Variants in NRG1 observed in about 807,000 individuals in gnomAD.
NRG1 encodes neuregulin 1, also known as pro-neuregulin-1, membrane-bound isoform.
Under a neutral mutation model 63.8 loss-of-function variants are expected in NRG1, and 18 were observed. The ratio of observed to expected loss-of-function variants is 0.28; its 90% CI spans 0.19 to 0.42. The LOEUF (loss-of-function observed/expected upper bound fraction) is 0.42, where lower values mean the gene tolerates loss of function less well. Ranked by LOEUF, NRG1 falls within the 10% of genes least tolerant of loss-of-function variation. The probability of loss-of-function intolerance (pLI) is 1.00; values close to 1 mark genes in which losing one functional copy is unlikely to be tolerated. For missense variants in NRG1, 762 were observed against 814.7 expected, an observed-to-expected ratio of 0.94 and a Z score of 0.79; for synonymous variants, 302 against 301.3, an observed-to-expected ratio of 1.00 and a Z score of -0.02.
intron 5 of NRG1, among the ~76,000 whole-genome samples, chr8:32,699,481 C>T (rs902271720): frequency 6.6e-6 from 1 of 152,134 alleles, no homozygotes; most frequent in African/African-American, 2.4e-5. Context: ...CAATAGAGAA[C>T]GTTTAATGAA....
chr8:32,727,515 T>C (rs954710068), intron 5 of NRG1, among the ~76,000 whole-genome samples: 6 of 152,180 alleles, frequency 3.9e-5, no homozygotes, highest in Non-Finnish European at 5.9e-5. Context: ...TCAATAGGCA[T>C]GTAAAACATT....
At chr8:32,344,794 C>A (rs1042829352) in intron 1 of NRG1, among the ~76,000 whole-genome samples, 1 of 151,742 alleles carries the variant, frequency 6.6e-6, no homozygotes, top group African/African-American at 2.4e-5. Context: ...ATTTATTTTG[C>A]AATTCAAAAT....
intron 1 of NRG1, among the ~76,000 whole-genome samples, chr8:31,924,036 T>C (rs1585796428): frequency 6.6e-6 from 1 of 152,286 alleles, no homozygotes; most frequent in East Asian, 1.9e-4. Context: ...TCCATCTTTG[T>C]TGCAAGTTGG....
intron 1 of NRG1, among the ~76,000 whole-genome samples, chr8:31,761,935 C>G (rs926837245): frequency 2.0e-5 from 3 of 152,104 alleles, no homozygotes; most frequent in Non-Finnish European, 4.4e-5. Context: ...GAGGTAGCTT[C>G]TATGTCCTTG....
At chr8:31,701,758 A>G (rs1411194178) in intron 1 of NRG1, among the ~76,000 whole-genome samples, 1 of 152,192 alleles carries the variant, frequency 6.6e-6, no homozygotes, top group Non-Finnish European at 1.5e-5. Context: ...ACAGAAAAAG[A>G]AGGAAAAAAA....
intron 1 of NRG1, among the ~76,000 whole-genome samples, chr8:32,328,914 C>T (rs949230200): frequency 2.0e-5 from 3 of 151,992 alleles, no homozygotes; most frequent in Non-Finnish European, 4.4e-5. Context: ...ATGACTGTGA[C>T]GTGGAAGGTG....
exon 12 of NRG1, chr8:32,763,901 A>G (rs763604324): frequency 6.2e-7 from 1 of 1,614,074 alleles, no homozygotes; most frequent in Admixed American, 1.7e-5. Flanking sequence ...TCATGGAAGA[A>G]GAGAGACCTC....
intron 1 of NRG1, among the ~76,000 whole-genome samples, chr8:31,968,578 CAT>C (rs749726255): frequency 3.9e-5 from 6 of 152,140 alleles, no homozygotes; most frequent in Non-Finnish European, 8.8e-5. Context: ...CAGGACATGA[CAT>C]ATAGTACCCC....
At chr8:32,357,840 A>G (rs1257124068) in intron 1 of NRG1, among the ~76,000 whole-genome samples, 1 of 152,208 alleles carries the variant, frequency 6.6e-6, no homozygotes, top group Admixed American at 6.5e-5. Context: ...GATTCAAACA[A>G]TTAAAGAGAT....
chr8:32,158,448 G>GATATATATAT (rs36087607), intron 1 of NRG1, among the ~76,000 whole-genome samples: 770 of 62,174 alleles, frequency 0.012, 96 homozygotes, highest in South Asian at 0.025. Context: ...TGGTTTACAT[G>GATATATATAT]ATATATATAT....
At chr8:31,923,120 T>TATAA (rs1563571724) in intron 1 of NRG1, among the ~76,000 whole-genome samples, 1 of 152,222 alleles carries the variant, frequency 6.6e-6, no homozygotes, top group East Asian at 1.9e-4. Context: ...TATGATGTTT[T>TATAA]AGTCTCTCTT....
chr8:32,573,029 A>T (rs534502129), intron 1 of NRG1, among the ~76,000 whole-genome samples: 34 of 152,200 alleles, frequency 2.2e-4, no homozygotes, highest in Non-Finnish European at 4.6e-4. Flanking sequence ...GAGTAATGGC[A>T]ACATTTATCG....
intron 1 of NRG1, among the ~76,000 whole-genome samples, chr8:32,127,354 G>A (rs1174356138): frequency 1.3e-5 from 2 of 151,758 alleles, no homozygotes; most frequent in African/African-American, 4.8e-5. Flanking sequence ...GTAAAGCTAC[G>A]TGGTCTTGCA....
chr8:32,101,811 T>C (rs2131363993), intron 1 of NRG1, among the ~76,000 whole-genome samples: 1 of 152,312 alleles, frequency 6.6e-6, no homozygotes, highest in South Asian at 2.1e-4. Context: ...ATTGTGCATC[T>C]TTCCTTCCCA....
chr8:31,970,084 T>C (rs1807026757), intron 1 of NRG1, among the ~76,000 whole-genome samples: 1 of 152,194 alleles, frequency 6.6e-6, no homozygotes, highest in South Asian at 2.1e-4. Flanking sequence ...GTGAGTATAA[T>C]TGAGTATACG....
At chr8:32,009,196 G>A (rs77000618) in intron 1 of NRG1, among the ~76,000 whole-genome samples, 8,385 of 152,028 alleles carry the variant, frequency 0.055, 375 homozygotes, top group African/African-American at 0.13. Flanking sequence ...GTAGTTGTGT[G>A]GAACTTGATA....
chr8:32,453,074 G>T (rs903459664), intron 1 of NRG1, among the ~76,000 whole-genome samples: 1 of 152,158 alleles, frequency 6.6e-6, no homozygotes. Context: ...TGTATGTACT[G>T]ACTTCCAGAC....
chr8:31,935,844 A>G (rs1215470976), intron 1 of NRG1, among the ~76,000 whole-genome samples: 1 of 152,202 alleles, frequency 6.6e-6, no homozygotes, highest in Non-Finnish European at 1.5e-5. Context: ...CTACCCCGTA[A>G]GGCTCCATGA....
chr8:31,824,563 C>T (rs918928424), intron 1 of NRG1, among the ~76,000 whole-genome samples: 1 of 152,152 alleles, frequency 6.6e-6, no homozygotes. Flanking sequence ...TGGCTGAGAT[C>T]AATAAATCTT....
Sources: allele counts gnomAD v4.1 joint callset (sites outside exome capture counted in the v4.1 genomes callset), GRCh38; gene constraint gnomAD v4.1.1; transcripts MANE v1.5; gene names NCBI Gene and HGNC (gene_info 2026-07-23, HGNC 2026-07-21).